GPHN: variants seen among roughly 807,000 people sequenced by gnomAD.
The protein encoded by GPHN is gephyrin.
Under a neutral mutation model 95.5 loss-of-function variants are expected in GPHN, and 17 were observed. That is an observed-to-expected ratio of 0.18 (90% CI 0.12 to 0.27). The LOEUF is 0.27. Ranked by LOEUF, GPHN falls within the 10% of genes least tolerant of loss-of-function variation. The probability of loss-of-function intolerance (pLI) is 1.00; values close to 1 mark genes in which losing one functional copy is unlikely to be tolerated. For synonymous variants in GPHN, 320 were observed against 322.5 expected (o/e 0.99, Z 0.08); for missense variants, 660 against 978.1 (o/e 0.67, Z 4.34).
the GPHN span, among the ~76,000 whole-genome samples, chr14:67,666,519 C>G: frequency 6.6e-6 from 1 of 152,172 alleles, no homozygotes; most frequent in Non-Finnish European, 1.5e-5. Flanking sequence ...AAACAGAAAC[C>G]TTTGAAATCA....
the GPHN span, among the ~76,000 whole-genome samples, chr14:67,445,288 C>G: frequency 6.6e-6 from 1 of 151,980 alleles, no homozygotes; most frequent in East Asian, 1.9e-4. Flanking sequence ...GTGTGGGTGT[C>G]CTGGGGACCC....
the GPHN span, among the ~76,000 whole-genome samples, chr14:67,209,819 GA>G: frequency 0.02 from 1,534 of 76,926 alleles, 11 homozygotes; most frequent in Non-Finnish European, 0.03. Flanking sequence ...CTCCATCTCG[GA>G]AAAAAAAAAA....
At chr14:67,146,596 A>C (rs1484979860) in intron 18 of GPHN, among the ~76,000 whole-genome samples, 1 of 152,212 alleles carries the variant, frequency 6.6e-6, no homozygotes, top group Admixed American at 6.5e-5. Flanking sequence ...CCTTATGATC[A>C]AAGTAATCAC....
At chr14:67,177,439 G>C (rs1406091079) in intron 21 of GPHN, among the ~76,000 whole-genome samples, 1 of 152,168 alleles carries the variant, frequency 6.6e-6, no homozygotes. Context: ...TGTGATCTGA[G>C]AGACAGTTTG....
At chr14:67,107,829 C>T (rs2078134943) in intron 13 of GPHN, among the ~76,000 whole-genome samples, 2 of 152,144 alleles carry the variant, frequency 1.3e-5, no homozygotes, top group Non-Finnish European at 2.9e-5. Flanking sequence ...CTCTAAGGGG[C>T]TATAGTCTAG....
rs183960196 is a variant in GPHN at position 67,119,526 on chromosome 14, A to T, written c.1627-2730A>T. Among the ~76,000 whole-genome samples, 12 of 152,328 alleles carry T rather than the reference A, an allele frequency of 7.9e-5. No homozygotes were observed. The East Asian group carries it at 2.1e-3, about 27-fold the overall frequency. On this transcript the variant is annotated intron_variant, in intron 16 of 22. Transcript: ENST00000478722. ...ATGTTTAGGCCAGGCGCAGTGGCTC[A>T]CGCCTGTAATCCCAGCACTTTGGGA...
At chr14:66,766,588 C>T (rs10132625) in intron 2 of GPHN, among the ~76,000 whole-genome samples, 38,249 of 151,730 alleles carry the variant, frequency 0.25, 9,710 homozygotes, top group African/African-American at 0.62. Context: ...ATACGTATGG[C>T]ACATGGTAAA....
the GPHN span, chr14:67,383,446 T>C: frequency 6.2e-7 from 1 of 1,612,658 alleles, no homozygotes; most frequent in South Asian, 1.1e-5. Flanking sequence ...ATTAACTTTG[T>C]GGGAAACAGA....
intron 4 of GPHN, among the ~76,000 whole-genome samples, chr14:66,864,007 A>C (rs1440987649): frequency 3.9e-5 from 6 of 152,162 alleles, no homozygotes; most frequent in African/African-American, 1.4e-4. Flanking sequence ...GCAAAGGAAC[A>C]ATCAACAAAA....
the GPHN span, among the ~76,000 whole-genome samples, chr14:67,594,932 G>A: frequency 4.5e-3 from 682 of 152,066 alleles, 5 homozygotes; most frequent in African/African-American, 0.016. Flanking sequence ...GGCGGATCAC[G>A]AGGTCAGGAG....
chr14:66,545,505 G>A (rs1307198606), intron 1 of GPHN, among the ~76,000 whole-genome samples: 3 of 120,936 alleles, frequency 2.5e-5, no homozygotes, highest in Admixed American at 8.1e-5. Flanking sequence ...CTGGCCGGGC[G>A]GGGAGCTGAC....
At chr14:67,203,337 G>A in the GPHN span, 1 of 1,458,854 alleles carries the variant, frequency 6.9e-7, no homozygotes, top group Non-Finnish European at 9.2e-7. Context: ...CAGAAGATGT[G>A]CATTAGCCCT....
At chr14:66,590,073 A>T (rs2061578464) in intron 1 of GPHN, among the ~76,000 whole-genome samples, 1 of 152,200 alleles carries the variant, frequency 6.6e-6, no homozygotes, top group South Asian at 2.1e-4. Context: ...CTCCTGAATG[A>T]CTACTGGGTA....
the GPHN span, among the ~76,000 whole-genome samples, chr14:67,354,482 CAT>C: frequency 6.6e-6 from 1 of 152,180 alleles, no homozygotes; most frequent in East Asian, 1.9e-4. Context: ...TTTATTCCCA[CAT>C]GTGTACAAAA....
intron 12 of GPHN, among the ~76,000 whole-genome samples, chr14:67,100,096 T>C (rs1226318653): frequency 6.6e-6 from 1 of 152,172 alleles, no homozygotes; most frequent in Admixed American, 6.5e-5. Context: ...TTTTTCAATT[T>C]AAAAATAAAT....
At chr14:67,695,607 G>A in the GPHN span, 1 of 1,601,902 alleles carries the variant, frequency 6.2e-7, no homozygotes. Context: ...ATTCTCAAGA[G>A]AAGGCAATAC....
chr14:66,575,217 A>ATT (rs113654963), intron 1 of GPHN, among the ~76,000 whole-genome samples: 6 of 151,720 alleles, frequency 4.0e-5, no homozygotes, highest in East Asian at 1.9e-4. Flanking sequence ...TGGTTGACAG[A>ATT]TTTTTTTTCC....
chr14:66,821,544 T>C (rs1286399209), intron 3 of GPHN, among the ~76,000 whole-genome samples: 1 of 152,202 alleles, frequency 6.6e-6, no homozygotes, highest in African/African-American at 2.4e-5. Context: ...GCATTGCTGT[T>C]CTCTAAGGAA....
intron 2 of GPHN, among the ~76,000 whole-genome samples, chr14:66,731,729 A>T (rs1364341888): frequency 1.3e-5 from 2 of 152,196 alleles, no homozygotes; most frequent in African/African-American, 4.8e-5. Flanking sequence ...TAGCCAAGAC[A>T]GTGGGGAAAA....
Sources: allele counts gnomAD v4.1 joint callset (sites outside exome capture counted in the v4.1 genomes callset), GRCh38; gene constraint gnomAD v4.1.1; transcripts MANE v1.5; gene names NCBI Gene and HGNC (gene_info 2026-07-23, HGNC 2026-07-21).